The following LMO3 variants were observed in gnomAD, a reference collection of about 807,000 sequenced individuals.
LMO3 encodes the protein LIM domain only 3.
A neutral mutation model predicts 15.8 loss-of-function variants in LMO3; 2 were observed. That is an observed-to-expected ratio of 0.13 (90% confidence interval 0.05 to 0.40). LMO3 has a LOEUF of 0.40. Among genes scored for constraint, LMO3 ranks in the 10% least tolerant of loss-of-function variants. The probability of loss-of-function intolerance (pLI) is 0.99; values close to 1 mark genes in which losing one functional copy is unlikely to be tolerated. For synonymous variants in LMO3, 62 were observed against 63.8 expected, an observed-to-expected ratio of 0.97 and a Z score of 0.13; for missense variants, 86 against 182.2, an observed-to-expected ratio of 0.47 and a Z score of 3.04.
chr12:16,560,763 G>T lies in LMO3; in HGVS notation c.207-225C>A. 1 of 566,116 alleles carries T rather than the reference G, an allele frequency of 1.8e-6. No individual in the cohort carries two copies. The highest frequency in any genetic ancestry group is 1.6e-5 in the South Asian group (1 of 61,112). 35.1% of individuals were successfully genotyped at this position (566,116 alleles called of 1,614,324 possible). A position where few individuals can be genotyped will look rare whatever the true frequency, so the allele number is the denominator to read the frequency against. On this transcript the variant is annotated intron_variant, in intron 2 of 3. Coordinates refer to ENST00000537304, the MANE Select transcript of LMO3 (RefSeq NM_018640.5). This position sits in a 1 kb window ranked among gnomAD's most constrained non-coding sequence, Gnocchi z 5.0. Reference sequence around the variant, plus strand: ...ATCTTGTTTGAGAAGAAAAGGAAAAGACAAATACATTAGGAAGCTTACGTA... The same window carrying T: ...ATCTTGTTTGAGAAGAAAAGGAAAATACAAATACATTAGGAAGCTTACGTA...
upstream of LMO3, chr12:16,607,709 C>CT (rs907160373): frequency 6.6e-6 from 1 of 151,244 alleles, no homozygotes; most frequent in Non-Finnish European, 1.5e-5. Context: ...CTACAAAAAA[C>CT]TTTTTTTCTT....
chr12:16,577,352 G>T (rs76562116), intron 2 of LMO3, among the ~76,000 whole-genome samples: 3 of 151,942 alleles, frequency 2.0e-5, no homozygotes, highest in African/African-American at 7.3e-5. Context: ...TTCCATGAAG[G>T]CCTCCTAAAT....
At chr12:16,602,107 G>A (rs1466236698) in intron 1 of LMO3, 2 of 152,210 alleles carry the variant, frequency 1.3e-5, no homozygotes, top group African/African-American at 4.8e-5. Context: ...ACAGTCCAGA[G>A]ACCCTTCTGC....
chr12:16,605,333 C>T (rs1943951632), intron 1 of LMO3: 2 of 1,150,028 alleles, frequency 1.7e-6, no homozygotes, highest in Non-Finnish European at 2.1e-6. Flanking sequence ...GAGTAGTCCC[C>T]GTAAAAAATG....
Position 16,606,006 on chromosome 12 carries a change from A to G in LMO3, c.-9+60T>C, listed in dbSNP as rs1470315360. On this transcript the variant is annotated intron_variant, in intron 1 of 3. Transcript: ENST00000537304. ...CCCACATCCGCACACGCACGCGCGC[A>G]CCCGCAGACACACACACCACAAATA... is the stretch of plus-strand genomic sequence containing the variant. 1.1e-5 allele frequency: 7 copies of G among 609,718 alleles called. No homozygotes were observed. In the East Asian group the frequency reaches 1.9e-4, roughly 17 times the overall value. 37.8% of individuals were successfully genotyped at this position (609,718 alleles called of 1,614,324 possible).
chr12:16,575,276 A>G, intron 2 of LMO3, among the ~76,000 whole-genome samples: 1 of 152,208 alleles, frequency 6.6e-6, no homozygotes, highest in East Asian at 1.9e-4. Flanking sequence ...ATATAGGCAT[A>G]AGGTCAATTT....
At chr12:16,605,154 G>A in intron 1 of LMO3, 1 of 1,391,950 alleles carries the variant, frequency 7.2e-7, no homozygotes, top group Non-Finnish European at 9.3e-7. Flanking sequence ...GAATGACAAA[G>A]CCACATGCTT....
rs2137280949 is a variant in LMO3 at position 16,555,452 on chromosome 12, T to C, written c.333-4125A>G. Among the ~76,000 whole-genome samples the C allele has an allele frequency of 6.6e-6, 1 of 152,340 alleles. No homozygotes were observed. The highest frequency in any genetic ancestry group is 2.1e-4 in the South Asian group (1 of 4,828). ...GGTAAATGACCACGAGTTATATTTC[T>C]TTTGAACCCTTTGCAGAACCATCAT... On this transcript the variant is annotated intron_variant, in intron 3 of 3. Coordinates refer to ENST00000537304, the MANE Select transcript of LMO3 (RefSeq NM_018640.5). The surrounding 1 kb of genome is among the most constrained non-coding windows in gnomAD (Gnocchi z 5.5).
chr12:16,600,517 G>A (rs1325915562), intron 2 of LMO3, 138 bp downstream of exon 2: 12 of 687,334 alleles, frequency 1.7e-5, no homozygotes, highest in South Asian at 9.1e-5. Context: ...ACAGGGCAAC[G>A]CTTTGAAGGC....
intron 2 of LMO3, among the ~76,000 whole-genome samples, chr12:16,577,878 C>T (rs1260425107): frequency 6.6e-6 from 1 of 152,110 alleles, no homozygotes; most frequent in Non-Finnish European, 1.5e-5. Context: ...ATTATGGCTG[C>T]CAGATTTAGG....
At chr12:16,557,438 A>G (rs141941336) in intron 3 of LMO3, among the ~76,000 whole-genome samples, 1 of 149,950 alleles carries the variant, frequency 6.7e-6, no homozygotes, top group Non-Finnish European at 1.5e-5. Flanking sequence ...GTAGTTTTGT[A>G]GATTTCTGCT....
intron 3 of LMO3, among the ~76,000 whole-genome samples, chr12:16,556,812 C>T (rs2137294498): frequency 6.6e-6 from 1 of 152,220 alleles, no homozygotes; most frequent in African/African-American, 2.4e-5. Context: ...TGACTTCCCG[C>T]ATTAGTTTGT....
Position 16,600,798 on chromosome 12 carries a change from C to T in LMO3, c.63G>A (p.Lys21=). 6.2e-7 allele frequency: 1 copy of T among 1,614,094 alleles called. No homozygotes were observed. The highest frequency in any genetic ancestry group is 8.5e-7 in the Non-Finnish European group (1 of 1,180,004). Residue 21 remains lysine, a synonymous_variant, in exon 2 of 4, where the codon AAG becomes AAA. Coordinates refer to ENST00000537304, the MANE Select transcript of LMO3 (RefSeq NM_018640.5). The part of the protein sequence containing the change: ...KGCAGCNRKI[K]DRYLLKALDK... ...CCAGTGCCTTTAGAAGATACCGGTC[C>T]TTGATCTTTCGGTTGCAGCCAGCAC... is the stretch of plus-strand genomic sequence containing the variant.
chr12:16,554,631 T>G (rs1269375565), intron 3 of LMO3, among the ~76,000 whole-genome samples: 1 of 152,194 alleles, frequency 6.6e-6, no homozygotes, highest in East Asian at 1.9e-4. Context: ...ATTCAAAGTT[T>G]ACCTTACTTT....
chr12:16,563,538 T>C (rs1257025993), intron 2 of LMO3, among the ~76,000 whole-genome samples: 2 of 152,166 alleles, frequency 1.3e-5, no homozygotes, highest in African/African-American at 4.8e-5. Context: ...AAACAGTCTC[T>C]TAACTATCTA....
intron 2 of LMO3, among the ~76,000 whole-genome samples, chr12:16,564,479 G>C (rs569036269): frequency 2.4e-4 from 37 of 152,280 alleles, no homozygotes; most frequent in Non-Finnish European, 1.5e-5. Context: ...AAAAACTCAA[G>C]ACATATACTC....
chr12:16,551,069 C>G lies in LMO3; in HGVS notation c.*153G>C. On this transcript the variant is annotated 3_prime_UTR_variant, in exon 4 of 4. Transcript: ENST00000537304. ...TGAACTGGGGCAATTTCACTACATA[C>G]AGATGCAGTCCGCCTTTTATTCCAT... 1 of 561,794 alleles carries G rather than the reference C, an allele frequency of 1.8e-6. No individual in the cohort carries two copies. The highest frequency in any genetic ancestry group is 3.2e-6 in the Non-Finnish European group (1 of 312,084). 34.8% of individuals were successfully genotyped at this position (561,794 alleles called of 1,614,324 possible).
In LMO3 at chr12:16,599,833, T is replaced by A. The variant is rs1943765773; in HGVS notation, c.206+822A>T. 1 of 152,158 alleles carries A rather than the reference T, an allele frequency of 6.6e-6. No homozygotes were observed. Among genetic ancestry groups the A allele is most frequent in the Non-Finnish European group, 1.5e-5 (1 of 68,030 alleles). The allele number at this position is 152,158 out of a possible 1,614,324, so 9.4% of individuals were successfully genotyped here. On this transcript the variant is annotated intron_variant, in intron 2 of 3. Transcript: ENST00000537304. The surrounding 1 kb of genome is among the most constrained non-coding windows in gnomAD (Gnocchi z 4.1). ...TCCATAACCAAGAACACCTGCCTTG[T>A]CCTGAAAGCATTCAGATGTTTACAG...
Position 16,597,418 on chromosome 12 carries a change from T to C in LMO3, c.206+3237A>G, listed in dbSNP as rs991248763. 7.2e-5 allele frequency among the ~76,000 whole-genome samples: 11 copies of C among 151,776 alleles called. No homozygotes were observed. Among genetic ancestry groups the C allele is most frequent in the African/African-American group, 2.2e-4 (9 of 41,414 alleles). The stretch of plus-strand genomic sequence containing the variant: ...TCATTCAAAGAACTTATAAATCACA[T>C]CATCATTATCACTACTCAAAGTAAC... On this transcript the variant is annotated intron_variant, in intron 2 of 3. Transcript: ENST00000537304. The surrounding 1 kb of genome is among the most constrained non-coding windows in gnomAD (Gnocchi z 5.0).
Sources: allele counts gnomAD v4.1 joint callset (sites outside exome capture counted in the v4.1 genomes callset), GRCh38; gene constraint gnomAD v4.1.1; non-coding constraint Gnocchi (gnomAD v3.1); transcripts MANE v1.5; gene names NCBI Gene and HGNC (gene_info 2026-07-23, HGNC 2026-07-21).